The following PRDM15 variants were observed in gnomAD, a reference collection of about 807,000 sequenced individuals.
The protein encoded by PRDM15 is PR/SET domain 15, also known as PR domain zinc finger protein 15.
A neutral mutation model predicts 128.6 loss-of-function variants in PRDM15; 64 were observed. The ratio of observed to expected loss-of-function variants is 0.50; its 90% CI spans 0.41 to 0.61. PRDM15 has a LOEUF of 0.61. PRDM15 is among the 20% of genes least tolerant of loss of function. The pLI, the probability that PRDM15 is intolerant of heterozygous loss-of-function variation, is 0.00. For synonymous variants in PRDM15, 615 were observed against 621.8 expected (o/e 0.99, Z 0.16); for missense variants, 1,242 against 1,569.1 (o/e 0.79, Z 3.52).
intron 9 of PRDM15, 37 bp downstream of exon 9, chr21:41,836,431 C>T (rs1482474308): frequency 1.3e-6 from 2 of 1,585,012 alleles, no homozygotes; most frequent in South Asian, 2.2e-5. Context: ...CAGTCCTGGC[C>T]CTGGCCCCGG....
intron 6 of PRDM15, among the ~76,000 whole-genome samples, chr21:41,840,134 C>G (rs956804239): frequency 6.6e-6 from 1 of 152,100 alleles, no homozygotes; most frequent in Non-Finnish European, 1.5e-5. Context: ...AAGCAAAAAC[C>G]TGAGAAGGAG....
intron 22 of PRDM15, 193 bp from the exon 23 acceptor site, chr21:41,803,114 G>T (rs2061461367): frequency 5.1e-6 from 3 of 592,176 alleles, no homozygotes; most frequent in South Asian, 2.1e-5. Flanking sequence ...TCCTTTAGTT[G>T]CAGATTTAAA....
At position 41,822,008 on chromosome 21, in the gene PRDM15, C is replaced by T; in HGVS notation, c.1791G>A (p.Arg597=). Reference sequence around the variant, plus strand: ...TCCCGATCTTGCCGATAAACTCTTCCCTCTGGTGGTCATCCATCAACGCGA... The same window carrying T: ...TCCCGATCTTGCCGATAAACTCTTCTCTCTGGTGGTCATCCATCAACGCGA... ...KDIALMDDHQ[R]EEFIGKIGIS... The change falls in exon 15 of 24, where the codon AGG becomes AGA. Residue 597 remains arginine (R), a synonymous_variant. Coordinates refer to ENST00000398548, the MANE Select transcript of PRDM15 (RefSeq NM_001040424.3). 1 of 1,614,180 alleles carries T rather than the reference C, an allele frequency of 6.2e-7. No homozygotes were observed. Among genetic ancestry groups the T allele is most frequent in the South Asian group, 1.1e-5 (1 of 91,090 alleles).
intron 8 of PRDM15, among the ~76,000 whole-genome samples, 157 bp downstream of exon 8, chr21:41,837,771 CATTCCT>C (rs1568959014): frequency 2.0e-4 from 1 of 5,092 alleles, no homozygotes; most frequent in Non-Finnish European, 5.2e-4. Context: ...AGCTCCAGAA[CATTCCT>C]GAGCTCCAGA....
chr21:41,820,502 C>T (rs181211795), intron 16 of PRDM15, among the ~76,000 whole-genome samples: 46 of 152,302 alleles, frequency 3.0e-4, no homozygotes, highest in Admixed American at 6.5e-4. Flanking sequence ...GGCACAGACA[C>T]GCACAGTGGA....
At chr21:41,803,023 G>T in intron 22 of PRDM15, 102 bp from the exon 23 acceptor site, 1 of 885,858 alleles carries the variant, frequency 1.1e-6, no homozygotes, top group Non-Finnish European at 1.9e-6. Context: ...TCCAATCAGT[G>T]GGGACGCTTG....
In PRDM15 at chr21:41,867,271, AT is replaced by A. The variant is rs774961107; in HGVS notation, c.-9-6900del. On this transcript the variant is annotated intron_variant, in intron 1 of 23. Coordinates refer to ENST00000398548, the MANE Select transcript of PRDM15 (RefSeq NM_001040424.3). ...CTTCGTAACACCAAAAGGAGTTAAG[AT>A]GCAACTCCTTTCTACTCTAGCCCTG... The A allele has an allele frequency of 3.8e-6, 6 of 1,562,604 alleles. No individual in the cohort carries two copies. The Admixed American group carries it at 1.0e-4, about 27-fold the overall frequency.
At chr21:41,878,500 G>T (rs2064501397) in intron 1 of PRDM15, among the ~76,000 whole-genome samples, 1 of 152,110 alleles carries the variant, frequency 6.6e-6, no homozygotes, top group Non-Finnish European at 1.5e-5. Flanking sequence ...CCTCTAGCAG[G>T]ACGCTGCGCG....
chr21:41,807,294 C>T (rs575769550), intron 21 of PRDM15, among the ~76,000 whole-genome samples: 2 of 152,226 alleles, frequency 1.3e-5, no homozygotes, highest in African/African-American at 2.4e-5. Context: ...AGTATCAATC[C>T]TAAAAGATTC....
rs1293113480 is a variant in PRDM15, at chr21:41,864,306, A to T, written c.-9-3934T>A. Among the ~76,000 whole-genome samples the T allele has an allele frequency of 6.6e-5, 10 of 152,244 alleles. No individual in the cohort carries two copies. In the East Asian group the frequency reaches 1.5e-3, roughly 23 times the overall value. On this transcript the variant is annotated intron_variant, in intron 1 of 23. Transcript: ENST00000398548. ...AGAAAATTAACTCAAAATGGATCACAGTCTTAAAACATAAAATATTAAATA... is the reference window on the plus strand; with the variant it reads ...AGAAAATTAACTCAAAATGGATCACTGTCTTAAAACATAAAATATTAAATA...
intron 22 of PRDM15, chr21:41,803,167 T>C (rs977458153): frequency 2.5e-5 from 14 of 549,972 alleles, no homozygotes; most frequent in East Asian, 9.4e-5. Context: ...TTGTATTTTA[T>C]GCTAAAATGT....
intron 2 of PRDM15, 30 bp downstream of exon 2, chr21:41,860,297 G>A (rs9982608): frequency 0.08 from 127,335 of 1,601,480 alleles, 5,843 homozygotes; most frequent in Admixed American, 0.15. Flanking sequence ...GGCTGGTCTC[G>A]GACCTGGGAC....
rs542712893 is a variant in PRDM15 at position 41,849,321 on chromosome 21, G to A, written c.539-2130C>T. Among the ~76,000 whole-genome samples the A allele has an allele frequency of 1.3e-4, 19 of 151,824 alleles. No individual in the cohort carries two copies. In the South Asian group the frequency reaches 4.0e-3, roughly 32 times the overall value. ...ACTGGCTCATGCCTGTAATCCCAGCGCTTTGGGAGGCCCAGATGGGTGGAT... is the reference window on the plus strand; with the variant it reads ...ACTGGCTCATGCCTGTAATCCCAGCACTTTGGGAGGCCCAGATGGGTGGAT... On this transcript the variant is annotated intron_variant, in intron 5 of 23. Transcript: ENST00000398548.
intron 5 of PRDM15, among the ~76,000 whole-genome samples, chr21:41,853,889 C>G (rs2063501023): frequency 6.6e-6 from 1 of 152,224 alleles, no homozygotes; most frequent in East Asian, 1.9e-4. Flanking sequence ...ATTTCTTCAT[C>G]TACTCCACTG....
At chr21:41,866,808 C>T (rs895311488) in intron 1 of PRDM15, among the ~76,000 whole-genome samples, 5 of 152,138 alleles carry the variant, frequency 3.3e-5, no homozygotes, top group Non-Finnish European at 7.3e-5. Flanking sequence ...ACAGAGGGTG[C>T]GACCGGGGCC....
In PRDM15 at chr21:41,859,107, G is replaced by T; in HGVS notation, c.131+485C>A. Reference sequence around the variant, plus strand: ...CAGGGCAGCTGCTGCCCACTGAGCCGCCTCACCAGGCCTGCAGGGACTGCT... The same window carrying T: ...CAGGGCAGCTGCTGCCCACTGAGCCTCCTCACCAGGCCTGCAGGGACTGCT... On this transcript the variant is annotated intron_variant, in intron 3 of 23. Coordinates refer to ENST00000398548, the MANE Select transcript of PRDM15 (RefSeq NM_001040424.3). This position sits in a 1 kb window ranked among gnomAD's most constrained non-coding sequence, Gnocchi z 5.3. 6.2e-7 allele frequency: 1 copy of T among 1,601,504 alleles called. No individual in the cohort carries two copies. The highest frequency in any genetic ancestry group is 8.5e-7 in the Non-Finnish European group (1 of 1,175,240).
chr21:41,823,394 T>C lies in PRDM15; in HGVS notation c.1685A>G (p.Lys562Arg), dbSNP rs1169591205. The C allele has an allele frequency of 5.1e-5, 81 of 1,574,314 alleles. No homozygotes were observed. Among genetic ancestry groups the C allele is most frequent in the Non-Finnish European group, 6.6e-5 (77 of 1,160,436 alleles). The change falls in exon 14 of 24, where the codon AAG becomes AGG. Residue 562 changes from lysine to arginine, a missense_variant. Coordinates refer to ENST00000398548, the MANE Select transcript of PRDM15 (RefSeq NM_001040424.3). ...NKHLLTHGDK[K>R]YTCEICGRKF... is the part of the protein sequence containing the mutation. ...GCGCCCGCAGATCTCGCAGGTGTACTTCTTGTCGCCGTGGGTGAGCAGGTG... is the reference window on the plus strand; with the variant it reads ...GCGCCCGCAGATCTCGCAGGTGTACCTCTTGTCGCCGTGGGTGAGCAGGTG...
chr21:41,804,256 G>A (rs866342640), intron 22 of PRDM15, among the ~76,000 whole-genome samples: 5 of 152,196 alleles, frequency 3.3e-5, no homozygotes, highest in Non-Finnish European at 5.9e-5. Context: ...GAGCCACCGC[G>A]CCCAGCCAAT....
intron 9 of PRDM15, 104 bp downstream of exon 9, chr21:41,836,364 C>A: frequency 7.4e-7 from 1 of 1,354,560 alleles, no homozygotes; most frequent in East Asian, 2.3e-5. Context: ...ACTGGCGCAG[C>A]TCGTGGGAGA....
Sources: allele counts gnomAD v4.1 joint callset (sites outside exome capture counted in the v4.1 genomes callset), GRCh38; gene constraint gnomAD v4.1.1; non-coding constraint Gnocchi (gnomAD v3.1); transcripts MANE v1.5; gene names NCBI Gene and HGNC (gene_info 2026-07-23, HGNC 2026-07-21).